The following SYT16 variants were observed in gnomAD, a reference collection of about 807,000 sequenced individuals.
The protein encoded by SYT16 is synaptotagmin-16.
In SYT16, 42 loss-of-function variants were observed where a neutral mutation model predicts 61.4. The observed-to-expected ratio is 0.68, with a 90% CI of 0.53 to 0.89. The LOEUF (loss-of-function observed/expected upper bound fraction) is 0.89, where lower values mean the gene tolerates loss of function less well. SYT16 is among the 40% of genes least tolerant of loss of function. SYT16 has a pLI of 0.00. For missense variants in SYT16, 804 were observed against 807.3 expected, an observed-to-expected ratio of 1.00 and a Z score of 0.05; for synonymous variants, 314 against 302.3, an observed-to-expected ratio of 1.04 and a Z score of -0.40.
chr14:62,049,778 T>C (rs2055183191), intron 3 of SYT16, among the ~76,000 whole-genome samples: 1 of 152,214 alleles, frequency 6.6e-6, no homozygotes, highest in South Asian at 2.1e-4. Context: ...TGAAAATTCT[T>C]TAAGAATGTT....
intron 1 of SYT16, among the ~76,000 whole-genome samples, chr14:61,870,282 C>T (rs534524243): frequency 3.3e-5 from 5 of 152,204 alleles, no homozygotes; most frequent in African/African-American, 7.2e-5. Context: ...GCTTTAAATA[C>T]GTTGTTCCAC....
chr14:61,983,246 A>G (rs900950678), intron 2 of SYT16, among the ~76,000 whole-genome samples: 4 of 152,192 alleles, frequency 2.6e-5, no homozygotes, highest in African/African-American at 9.7e-5. Flanking sequence ...TAAAAGAAAG[A>G]GCATGTCTGT....
chr14:61,974,530 G>A (rs1356508443), intron 2 of SYT16, among the ~76,000 whole-genome samples: 1 of 152,158 alleles, frequency 6.6e-6, no homozygotes, highest in East Asian at 1.9e-4. Flanking sequence ...GTGGAATGCT[G>A]TAAGGCAGAG....
intron 1 of SYT16, among the ~76,000 whole-genome samples, chr14:61,883,667 C>T (rs1158421501): frequency 6.6e-6 from 1 of 152,184 alleles, no homozygotes; most frequent in Non-Finnish European, 1.5e-5. Context: ...TTTGCTTCCA[C>T]ATTTTTGGAT....
chr14:61,827,304 T>C (rs1357815253), intron 1 of SYT16, among the ~76,000 whole-genome samples: 1 of 152,192 alleles, frequency 6.6e-6, no homozygotes, highest in Non-Finnish European at 1.5e-5. Context: ...TTCTGCTGCA[T>C]GAATCAGCTA....
intron 3 of SYT16, among the ~76,000 whole-genome samples, chr14:62,019,452 C>A (rs904172917): frequency 6.6e-6 from 1 of 152,120 alleles, no homozygotes; most frequent in African/African-American, 2.4e-5. Flanking sequence ...CCTGTGGGAA[C>A]AGGTAGAGGC....
At chr14:61,873,031 C>A (rs1270001688) in intron 1 of SYT16, among the ~76,000 whole-genome samples, 2 of 151,982 alleles carry the variant, frequency 1.3e-5, no homozygotes, top group Non-Finnish European at 2.9e-5. Context: ...TTAGCCTTAT[C>A]TGTTTGTTTT....
intron 1 of SYT16, among the ~76,000 whole-genome samples, chr14:61,968,427 C>T (rs141678009): frequency 6.6e-6 from 1 of 152,196 alleles, no homozygotes; most frequent in African/African-American, 2.4e-5. Flanking sequence ...ACACTGCATT[C>T]ACAAGGGAGA....
At chr14:61,964,865 A>G (rs1183344070) in intron 1 of SYT16, among the ~76,000 whole-genome samples, 2 of 151,748 alleles carry the variant, frequency 1.3e-5, no homozygotes, top group East Asian at 3.9e-4. Context: ...AAATAAAAAG[A>G]TTATGTTTCA....
At chr14:61,988,631 A>G (rs1276968166) in intron 2 of SYT16, among the ~76,000 whole-genome samples, 1 of 152,230 alleles carries the variant, frequency 6.6e-6, no homozygotes, top group Non-Finnish European at 1.5e-5. Context: ...ATATTTAAAT[A>G]TAACCCTCAC....
rs144630638 is a variant in SYT16 at position 61,843,639 on chromosome 14, C to T, written c.-325+30829C>T. Reference sequence around the variant, plus strand: ...TCTGCATATGGATTTCCAGTTTTCCCACCACCATTTATTGAAGAGACTATC... The same window carrying T: ...TCTGCATATGGATTTCCAGTTTTCCTACCACCATTTATTGAAGAGACTATC... On this transcript the variant is annotated intron_variant, in intron 1 of 7. Transcript: ENST00000683842. Among the ~76,000 whole-genome samples, 462 of 152,258 alleles carry T rather than the reference C, an allele frequency of 3.0e-3. 6 individuals are homozygous for T. Among genetic ancestry groups the T allele is most frequent in the Admixed American group, 5.5e-3 (84 of 15,298 alleles).
At chr14:62,085,761 A>G (rs539886821) in intron 7 of SYT16, among the ~76,000 whole-genome samples, 4 of 152,222 alleles carry the variant, frequency 2.6e-5, no homozygotes, top group African/African-American at 9.6e-5. Flanking sequence ...GCCATATTCT[A>G]TGTCGACACT....
At chr14:62,016,388 A>G (rs575167168) in intron 3 of SYT16, among the ~76,000 whole-genome samples, 3 of 152,178 alleles carry the variant, frequency 2.0e-5, no homozygotes, top group African/African-American at 7.2e-5. Flanking sequence ...ATTCAAGTAC[A>G]TTTTGCTTTA....
intron 3 of SYT16, among the ~76,000 whole-genome samples, chr14:62,030,699 G>A (rs527341651): frequency 6.6e-6 from 1 of 152,306 alleles, no homozygotes; most frequent in African/African-American, 2.4e-5. Flanking sequence ...ACATTCAAAG[G>A]TGGCTTTAAC....
intron 5 of SYT16, 96 bp from the exon 6 acceptor site, chr14:62,080,738 C>G: frequency 8.2e-7 from 1 of 1,222,966 alleles, no homozygotes; most frequent in Admixed American, 2.2e-5. Flanking sequence ...AGTTAGAAAG[C>G]AGGGATTCTG....
At chr14:62,090,303 T>C (rs1409063957) in intron 7 of SYT16, among the ~76,000 whole-genome samples, 1 of 152,224 alleles carries the variant, frequency 6.6e-6, no homozygotes, top group Non-Finnish European at 1.5e-5. Flanking sequence ...TAGCCACACA[T>C]GATAATTACA....
rs150741687 is a variant in SYT16 at position 61,873,477 on chromosome 14, C to T, written c.-325+60667C>T. ...CCTGGCTGCCACTGGCCCCTTCCTT[C>T]GTACTTACTGCCTATGCCCATTGGC... is the stretch of plus-strand genomic sequence containing the variant. On this transcript the variant is annotated intron_variant, in intron 1 of 7. Transcript: ENST00000683842. Among the ~76,000 whole-genome samples the T allele has an allele frequency of 2.0e-3, 299 of 152,324 alleles. 4 individuals carry two copies. Among genetic ancestry groups the T allele is most frequent in the African/African-American group, 6.8e-3 (284 of 41,584 alleles).
At position 62,100,431 on chromosome 14, in the gene SYT16, T is replaced by C; in HGVS notation, c.1662T>C (p.Gly554=). 1 of 1,612,694 alleles carries C rather than the reference T, an allele frequency of 6.2e-7. No individual in the cohort carries two copies. Among genetic ancestry groups the C allele is most frequent in the Non-Finnish European group, 8.5e-7 (1 of 1,179,326 alleles). ...YGKLFLLNSV[G]QEMSRCKTSI... ...AACTCTTTCTCCTCAATTCTGTGGG[T>C]CAAGAGATGTCCCGTTGCAAGACGT... Residue 554 remains glycine, a synonymous_variant, in exon 8 of 8, where the codon GGT becomes GGC. Transcript: ENST00000683842.
intron 1 of SYT16, among the ~76,000 whole-genome samples, chr14:61,933,638 A>G (rs896762414): frequency 1.3e-5 from 2 of 152,134 alleles, no homozygotes; most frequent in Non-Finnish European, 1.5e-5. Flanking sequence ...TGCACTCACA[A>G]TGTGACCCCT....
Sources: allele counts gnomAD v4.1 joint callset (sites outside exome capture counted in the v4.1 genomes callset), GRCh38; gene constraint gnomAD v4.1.1; transcripts MANE v1.5; gene names NCBI Gene and HGNC (gene_info 2026-07-23, HGNC 2026-07-21).